The following TOGARAM2 variants were observed in gnomAD, a reference collection of about 807,000 sequenced individuals.
The protein encoded by TOGARAM2 is TOG array regulator of axonemal microtubules 2.
A neutral mutation model predicts 93.3 loss-of-function variants in TOGARAM2; 85 were observed. The ratio of observed to expected loss-of-function variants is 0.91; its 90% CI spans 0.76 to 1.09. The LOEUF (loss-of-function observed/expected upper bound fraction) is 1.09. TOGARAM2 is among the 50% of genes least tolerant of loss of function. The pLI is 0.00. For missense variants in TOGARAM2, 1,277 were observed against 1,334.5 expected (o/e 0.96, Z 0.67); for synonymous variants, 593 against 552.8 (o/e 1.07, Z -1.02).
intron 6 of TOGARAM2, among the ~76,000 whole-genome samples, chr2:29,008,294 G>A (rs752003651): frequency 6.0e-5 from 9 of 150,322 alleles, no homozygotes; most frequent in Non-Finnish European, 1.2e-4. Context: ...GAGACTACAG[G>A]AGCATGCCAC....
At chr2:29,011,358 C>G in intron 6 of TOGARAM2, 97 bp from the exon 7 acceptor site, 1 of 1,044,842 alleles carries the variant, frequency 9.6e-7, no homozygotes. Context: ...TCCCCCATCT[C>G]GGCCATTGCC....
At chr2:28,997,420 G>A (rs118136843) in intron 2 of TOGARAM2, among the ~76,000 whole-genome samples, 12 of 152,276 alleles carry the variant, frequency 7.9e-5, no homozygotes, top group African/African-American at 2.2e-4. Context: ...ATCTCTGGCC[G>A]GGCTCCCAGG....
intron 1 of TOGARAM2, among the ~76,000 whole-genome samples, chr2:28,967,446 G>C (rs932302337): frequency 6.6e-6 from 1 of 152,126 alleles, no homozygotes; most frequent in African/African-American, 2.4e-5. Flanking sequence ...CTGCACTCCT[G>C]CCTGGGTGAC....
At chr2:29,037,693 G>A (rs1451079295) in intron 18 of TOGARAM2, among the ~76,000 whole-genome samples, 1 of 152,176 alleles carries the variant, frequency 6.6e-6, no homozygotes, top group African/African-American at 2.4e-5. Flanking sequence ...CAAAGGCCTG[G>A]TCAGGTCCCT....
intron 1 of TOGARAM2, among the ~76,000 whole-genome samples, chr2:28,973,831 C>T (rs1671988790): frequency 6.6e-6 from 1 of 152,106 alleles, no homozygotes; most frequent in Non-Finnish European, 1.5e-5. Flanking sequence ...GACTGACCTG[C>T]CCTTAGCCAT....
intron 3 of TOGARAM2, 41 bp from the exon 4 acceptor site, chr2:28,999,140 G>A: frequency 6.4e-7 from 1 of 1,558,952 alleles, no homozygotes; most frequent in Non-Finnish European, 8.7e-7. Flanking sequence ...TGCCACCCTG[G>A]GTACTGCGTG....
In TOGARAM2 at chr2:29,051,481, G is replaced by A. The variant is rs545223588; in HGVS notation, c.2723-275G>A. 1.5e-4 allele frequency: 43 copies of A among 279,022 alleles called. 1 individual carries two copies. The South Asian group carries it at 2.9e-3, about 19-fold the overall frequency. The allele number at this position is 279,022 out of a possible 1,614,324, so 17.3% of individuals were successfully genotyped here. On this transcript the variant is annotated intron_variant, in intron 19 of 19. Transcript: ENST00000379558. ...AGATTCTGCATATTTCTGCCTTTGCGTGCCCCTTTCTCCATAAAAAATATT... is the reference window on the plus strand; with the variant it reads ...AGATTCTGCATATTTCTGCCTTTGCATGCCCCTTTCTCCATAAAAAATATT...
chr2:29,033,871 C>T (rs1572762454), intron 16 of TOGARAM2, among the ~76,000 whole-genome samples: 1 of 152,214 alleles, frequency 6.6e-6, no homozygotes, highest in South Asian at 2.1e-4. Flanking sequence ...AGTGTTTCCT[C>T]GTTCGCTTAG....
At chr2:28,974,080 G>C (rs1242397091) in intron 1 of TOGARAM2, among the ~76,000 whole-genome samples, 1 of 150,008 alleles carries the variant, frequency 6.7e-6, no homozygotes, top group African/African-American at 2.5e-5. Context: ...CTGCTTTCAA[G>C]ACTTTCTCTT....
At chr2:28,975,541 T>C (rs950877930) in intron 1 of TOGARAM2, among the ~76,000 whole-genome samples, 8 of 152,198 alleles carry the variant, frequency 5.3e-5, no homozygotes, top group African/African-American at 1.7e-4. Flanking sequence ...ACGTTCATAA[T>C]TGCAAATTGA....
chr2:29,050,021 A>T (rs1427131713), intron 19 of TOGARAM2: 1 of 152,128 alleles, frequency 6.6e-6, no homozygotes, highest in Non-Finnish European at 1.5e-5. Flanking sequence ...ATCCTAGGGG[A>T]TTAGATGATG....
intron 1 of TOGARAM2, among the ~76,000 whole-genome samples, 184 bp downstream of exon 1, chr2:28,981,722 CCTTTCTGGGCCTTCATGTGGCAG>C (rs1672202618): frequency 1.3e-5 from 2 of 152,354 alleles, no homozygotes; most frequent in East Asian, 3.9e-4. Flanking sequence ...TGTCTCTGAC[CCTTTCTGGGCCTTCATGTGGCAG>C]CTCTAGGGGA....
chr2:29,032,731 T>G (rs892156231), intron 14 of TOGARAM2: 1 of 510,950 alleles, frequency 2.0e-6, no homozygotes, highest in African/African-American at 1.9e-5. Context: ...ATGTAAAAAT[T>G]TAATAGGGAT....
chr2:29,016,150 A>G (rs1394809014), intron 8 of TOGARAM2, among the ~76,000 whole-genome samples: 1 of 152,300 alleles, frequency 6.6e-6, no homozygotes, highest in South Asian at 2.1e-4. Context: ...CCAGCCTTCC[A>G]GTGGCTCAGG....
intron 1 of TOGARAM2, among the ~76,000 whole-genome samples, chr2:28,974,861 C>G (rs1038471172): frequency 6.6e-5 from 10 of 151,956 alleles, no homozygotes; most frequent in Non-Finnish European, 1.2e-4. Context: ...GAACTCCTGA[C>G]CTCAAGTGAT....
intron 2 of TOGARAM2, among the ~76,000 whole-genome samples, chr2:28,995,836 C>T (rs367972663): frequency 2.0e-5 from 3 of 152,204 alleles, no homozygotes; most frequent in Admixed American, 6.5e-5. Context: ...GCTGGGTTTC[C>T]ACCTGCGTGG....
chr2:28,965,832 A>G (rs887202084), intron 1 of TOGARAM2, among the ~76,000 whole-genome samples: 4 of 151,922 alleles, frequency 2.6e-5, no homozygotes, highest in African/African-American at 9.7e-5. Flanking sequence ...TCCCTGCTTC[A>G]TGGTCTAGAA....
At position 29,052,128 on chromosome 2, in the gene TOGARAM2, T is replaced by A; in HGVS notation, c.*35T>A. The A allele has an allele frequency of 6.8e-7, 1 of 1,475,714 alleles. No homozygotes were observed. The highest frequency in any genetic ancestry group is 2.4e-5 in the East Asian group (1 of 42,134). The allele number at this position is 1,475,714 out of a possible 1,614,324, so 91.4% of individuals were successfully genotyped here. On this transcript the variant is annotated 3_prime_UTR_variant, in exon 20 of 20. Coordinates refer to ENST00000379558, the MANE Select transcript of TOGARAM2 (RefSeq NM_199280.4). The stretch of plus-strand genomic sequence containing the variant: ...TGAAATGGGCAATTATTATTTATCT[T>A]ATTTTTTTGATGGACTATTCTCCTG...
intron 1 of TOGARAM2, among the ~76,000 whole-genome samples, chr2:28,994,355 C>T (rs1159312928): frequency 6.6e-6 from 1 of 152,184 alleles, no homozygotes; most frequent in Non-Finnish European, 1.5e-5. Context: ...CATGGGCTTT[C>T]AGGGCAGCTG....
Sources: gnomAD v4.1 joint callset for allele counts (sites outside exome capture counted in the v4.1 genomes callset) on GRCh38, gnomAD v4.1.1 for gene constraint, MANE v1.5 for transcripts, NCBI Gene and HGNC (gene_info 2026-07-23, HGNC 2026-07-21) for gene names.